PAICS: variants seen among roughly 807,000 people sequenced by gnomAD.
PAICS encodes the protein bifunctional phosphoribosylaminoimidazole carboxylase/phosphoribosylaminoimidazole succinocarboxamide synthetase.
Under a neutral mutation model 53.7 loss-of-function variants are expected in PAICS, and 33 were observed. That is an observed-to-expected ratio of 0.61 (90% confidence interval 0.47 to 0.82). The LOEUF is 0.82. Ranked by LOEUF, PAICS falls within the 40% of genes least tolerant of loss-of-function variation. The pLI, the probability that PAICS is intolerant of heterozygous loss-of-function variation, is 0.00. For missense variants in PAICS, 394 were observed against 494.1 expected, an observed-to-expected ratio of 0.80 and a Z score of 1.92; for synonymous variants, 141 against 167.2, an observed-to-expected ratio of 0.84 and a Z score of 1.21.
At chr4:56,412,032 T>G in the PAICS span, among the ~76,000 whole-genome samples, 3 of 152,202 alleles carry the variant, frequency 2.0e-5, no homozygotes, top group Admixed American at 2.0e-4. Flanking sequence ...CACCTTCGAC[T>G]CTTCATTATT....
chr4:56,424,806 G>C, the PAICS span, among the ~76,000 whole-genome samples: 506 of 152,304 alleles, frequency 3.3e-3, 4 homozygotes, highest in Middle Eastern at 0.014. Flanking sequence ...TCCAATATCA[G>C]CTGCCATTTA....
At chr4:56,426,847 C>G in the PAICS span, among the ~76,000 whole-genome samples, 3 of 152,126 alleles carry the variant, frequency 2.0e-5, no homozygotes, top group Admixed American at 6.6e-5. Flanking sequence ...ATCTCCAGAG[C>G]TTTTTCATCA....
At chr4:56,455,494 T>C (rs1719148803) in intron 8 of PAICS, among the ~76,000 whole-genome samples, 1 of 152,200 alleles carries the variant, frequency 6.6e-6, no homozygotes, top group Admixed American at 6.5e-5. Context: ...TCATTTTGCC[T>C]TTCTCTAGGC....
chr4:56,442,439 C>A (rs1186894383), intron 2 of PAICS, among the ~76,000 whole-genome samples: 1 of 152,010 alleles, frequency 6.6e-6, no homozygotes, highest in African/African-American at 2.4e-5. Flanking sequence ...TTCAAAAGAC[C>A]AAATGAAGAT....
chr4:56,435,158 G>C (rs1014818400), upstream of PAICS, among the ~76,000 whole-genome samples: 1 of 152,222 alleles, frequency 6.6e-6, no homozygotes, highest in Non-Finnish European at 1.5e-5. Context: ...GGCAGGACAG[G>C]CTAAAGTTCA....
At chr4:56,436,251 C>T (rs1181389798), upstream of PAICS, 7 of 1,565,048 alleles carry the variant, frequency 4.5e-6, no homozygotes, top group Admixed American at 1.9e-5. Context: ...CTGACCACCC[C>T]TCTTTTCTAG....
At chr4:56,456,407 G>A (rs916628570) in intron 8 of PAICS, among the ~76,000 whole-genome samples, 2 of 151,910 alleles carry the variant, frequency 1.3e-5, no homozygotes, top group African/African-American at 2.4e-5. Flanking sequence ...TTTGGATACA[G>A]GTGTTTTTTG....
At chr4:56,432,717 G>A (rs1185244607), upstream of PAICS, among the ~76,000 whole-genome samples, 2 of 150,644 alleles carry the variant, frequency 1.3e-5, no homozygotes, top group Non-Finnish European at 3.0e-5. Flanking sequence ...CCCGGGAGGC[G>A]GAGCTTGCAG....
chr4:56,436,045 G>A, upstream of PAICS: 3 of 1,514,288 alleles, frequency 2.0e-6, no homozygotes, highest in East Asian at 4.9e-5. Context: ...CGGGCACTGC[G>A]CCAGCGCGGG....
intron 1 of PAICS, among the ~76,000 whole-genome samples, chr4:56,438,752 A>G (rs1202199754): frequency 6.6e-6 from 1 of 152,030 alleles, no homozygotes; most frequent in South Asian, 2.1e-4. Context: ...ATTTAACCCT[A>G]TATACACAAA....
intron 8 of PAICS, among the ~76,000 whole-genome samples, chr4:56,456,194 C>T (rs916312203): frequency 1.3e-5 from 2 of 152,150 alleles, no homozygotes; most frequent in Admixed American, 6.5e-5. Flanking sequence ...CAGGTTCAAG[C>T]GGTTCTCGTG....
chr4:56,451,983 T>C lies in PAICS; in HGVS notation c.883T>C (p.Cys295Arg), dbSNP rs1718940269. 1.2e-6 allele frequency: 2 copies of C among 1,609,070 alleles called. No individual in the cohort carries two copies. The highest frequency in any genetic ancestry group is 1.7e-6 in the Non-Finnish European group (2 of 1,177,432). The change falls in exon 7 of 9, where the codon TGT (cysteine) becomes CGT (arginine). Residue 295 changes from cysteine to arginine, a missense_variant. This residue lies in a region of PAICS where 131 missense variants were observed against 205.5 expected (regional missense o/e 0.64). Transcript: ENST00000512576. The part of the protein sequence containing the change: ...KKACGNFGIP[C>R]ELRVTSAHKG... ...GGCCTGTGGAAATTTTGGCATTCCA[T>C]GTGAACTTCGAGTAACATCTGCGCA...
the PAICS span, among the ~76,000 whole-genome samples, chr4:56,429,812 A>G: frequency 3.9e-5 from 6 of 152,284 alleles, no homozygotes; most frequent in Non-Finnish European, 7.4e-5. Context: ...CATAAACATT[A>G]TCACTATTCT....
chr4:56,434,869 C>T (rs1430368555), upstream of PAICS, among the ~76,000 whole-genome samples: 3 of 152,244 alleles, frequency 2.0e-5, no homozygotes, highest in African/African-American at 7.2e-5. Context: ...TGCTCAATAG[C>T]TCTGCCCTTG....
At chr4:56,452,519 T>G (rs1166934881) in intron 7 of PAICS, among the ~76,000 whole-genome samples, 1 of 152,152 alleles carries the variant, frequency 6.6e-6, no homozygotes, top group African/African-American at 2.4e-5. Flanking sequence ...TAAGGTATTC[T>G]AGAAGCTTAG....
the PAICS span, among the ~76,000 whole-genome samples, chr4:56,419,009 T>C: frequency 6.6e-6 from 1 of 152,234 alleles, no homozygotes; most frequent in Non-Finnish European, 1.5e-5. Flanking sequence ...TAAGCACTGA[T>C]TGTTCTGTGT....
At chr4:56,430,424 G>C in the PAICS span, among the ~76,000 whole-genome samples, 7 of 152,034 alleles carry the variant, frequency 4.6e-5, no homozygotes, top group African/African-American at 7.2e-5. Context: ...GAACCAATAA[G>C]GTCTCTGCGA....
intron 1 of PAICS, among the ~76,000 whole-genome samples, chr4:56,441,267 C>T (rs1314441750): frequency 6.6e-6 from 1 of 152,146 alleles, no homozygotes; most frequent in Non-Finnish European, 1.5e-5. Context: ...AGTATAGTTA[C>T]ATTACTTTAA....
chr4:56,447,937 C>G (rs1413856949), intron 3 of PAICS, among the ~76,000 whole-genome samples: 1 of 151,900 alleles, frequency 6.6e-6, no homozygotes, highest in Non-Finnish European at 1.5e-5. Flanking sequence ...TCAAGCGATC[C>G]TCCTGCTTCA....
Sources: allele counts gnomAD v4.1 joint callset (sites outside exome capture counted in the v4.1 genomes callset), GRCh38; gene constraint gnomAD v4.1.1; regional missense constraint gnomAD v4.1.1; transcripts MANE v1.5; gene names NCBI Gene and HGNC (gene_info 2026-07-23, HGNC 2026-07-21).